The following RPTOR variants were observed in gnomAD, a reference collection of about 807,000 sequenced individuals.
RPTOR encodes regulatory associated protein of MTOR complex 1.
In RPTOR, 21 loss-of-function variants were observed where a neutral mutation model predicts 169.9. The observed-to-expected ratio is 0.12, with a 90% CI of 0.09 to 0.18. The LOEUF is 0.18. RPTOR is among the 10% of genes least tolerant of loss of function. RPTOR has a pLI of 1.00. For synonymous variants in RPTOR, 732 were observed against 753.2 expected (o/e 0.97, Z 0.46); for missense variants, 1,133 against 1,855.9 (o/e 0.61, Z 7.16).
chr17:80,751,619 A>G (rs1436050859), intron 5 of RPTOR, among the ~76,000 whole-genome samples: 1 of 152,128 alleles, frequency 6.6e-6, no homozygotes, highest in Non-Finnish European at 1.5e-5. Context: ...CTCTGGACAC[A>G]TCTCACCCCC....
chr17:80,966,135 T>G lies in RPTOR; in HGVS notation c.*1805T>G. On this transcript the variant is annotated 3_prime_UTR_variant, in exon 34 of 34. Coordinates refer to ENST00000306801, the MANE Select transcript of RPTOR (RefSeq NM_020761.3). ...GGTCAAGACCCCCCCCCGCCCCCGC[T>G]CCACCCTGGAGCCCACCCCCATGGG... is the stretch of plus-strand genomic sequence containing the variant. The G allele has an allele frequency of 9.2e-6, 1 of 109,150 alleles. No individual in the cohort carries two copies. Among genetic ancestry groups the G allele is most frequent in the Non-Finnish European group, 1.7e-5 (1 of 57,896 alleles). The allele number at this position is 109,150 out of a possible 1,614,324, so 6.8% of individuals were successfully genotyped here. A position where few individuals can be genotyped will look rare whatever the true frequency, so the allele number is the denominator to read the frequency against.
chr17:80,733,562 T>C (rs2143216826), intron 5 of RPTOR, among the ~76,000 whole-genome samples: 1 of 152,340 alleles, frequency 6.6e-6, no homozygotes, highest in East Asian at 1.9e-4. Flanking sequence ...CCACTGCTTC[T>C]TGATTTGTCG....
chr17:80,925,265 T>C, intron 23 of RPTOR, 105 bp from the exon 24 acceptor site: 1 of 911,182 alleles, frequency 1.1e-6, no homozygotes, highest in Admixed American at 2.2e-5. Context: ...AGCCCGGTGC[T>C]CCCGGCAGCG....
At chr17:80,919,513 A>G (rs927590478) in intron 21 of RPTOR, among the ~76,000 whole-genome samples, 2 of 152,164 alleles carry the variant, frequency 1.3e-5, no homozygotes, top group African/African-American at 4.8e-5. Context: ...GGGAAAATTC[A>G]CTGTCCAAGT....
chr17:80,753,589 C>T (rs1251176548), intron 5 of RPTOR, among the ~76,000 whole-genome samples: 2 of 145,740 alleles, frequency 1.4e-5, no homozygotes, highest in East Asian at 2.0e-4. Context: ...GTCGAGATCG[C>T]GCCACTGCAC....
At chr17:80,934,863 A>G (rs1356718705) in intron 24 of RPTOR, among the ~76,000 whole-genome samples, 2 of 152,196 alleles carry the variant, frequency 1.3e-5, no homozygotes, top group African/African-American at 4.8e-5. Context: ...AAGAATAAAA[A>G]ACACAGATTC....
At chr17:80,583,181 T>TG (rs2065029899) in intron 1 of RPTOR, among the ~76,000 whole-genome samples, 2 of 115,936 alleles carry the variant, frequency 1.7e-5, no homozygotes, top group South Asian at 2.5e-4. Flanking sequence ...GCCTCTTTCC[T>TG]GTTTTTTTTT....
intron 6 of RPTOR, among the ~76,000 whole-genome samples, chr17:80,760,396 G>A (rs1288701838): frequency 1.4e-5 from 2 of 141,468 alleles, no homozygotes; most frequent in South Asian, 2.2e-4. Context: ...CCACCTCCTC[G>A]GTTCAAGCGA....
rs977258093 is a variant in RPTOR at position 80,960,351 on chromosome 17, A to G, written c.3605+146A>G. On this transcript the variant is annotated intron_variant, in intron 30 of 33. Transcript: ENST00000306801. This position sits in a 1 kb window ranked among gnomAD's most constrained non-coding sequence, Gnocchi z 4.8. ...GAGCCTGCAGTGGCGTATTTAGGCC[A>G]GTCCTGGGCTCCCCAAAGCCGCCAG... The G allele has an allele frequency of 6.1e-6, 7 of 1,139,436 alleles. No homozygotes were observed. Among genetic ancestry groups the G allele is most frequent in the Non-Finnish European group, 8.6e-6 (7 of 810,232 alleles). The allele number at this position is 1,139,436 out of a possible 1,614,324, so 70.6% of individuals were successfully genotyped here.
chr17:80,823,425 T>G lies in RPTOR; in HGVS notation c.1136+202T>G. 1.6e-6 allele frequency: 1 copy of G among 623,702 alleles called. No individual in the cohort carries two copies. The highest frequency in any genetic ancestry group is 2.4e-5 in the South Asian group (1 of 41,584). The allele number at this position is 623,702 out of a possible 1,614,324, so 38.6% of individuals were successfully genotyped here. On this transcript the variant is annotated intron_variant, in intron 9 of 33. Coordinates refer to ENST00000306801, the MANE Select transcript of RPTOR (RefSeq NM_020761.3). The surrounding 1 kb of genome is among the most constrained non-coding windows in gnomAD (Gnocchi z 4.5). ...GGGTCTCCTTCAGAGGGCAGAAGCC[T>G]TGGAGGGCCTTTTAGGACTGCACGG...
rs73355805 is a variant in RPTOR, at chr17:80,901,175, G to A, written c.2401+7310G>A. Among the ~76,000 whole-genome samples the A allele has an allele frequency of 4.8e-3, 732 of 152,230 alleles. 9 individuals are homozygous for A. The highest frequency in any genetic ancestry group is 0.017 in the African/African-American group (698 of 41,524). ...ATGAGTGAATGCCGTTGTTATCCTC[G>A]GTACTGGTCTCGGTGGAGTACAGGG... On this transcript the variant is annotated intron_variant, in intron 20 of 33. Coordinates refer to ENST00000306801, the MANE Select transcript of RPTOR (RefSeq NM_020761.3).
chr17:80,562,152 C>T lies in RPTOR; in HGVS notation c.162+16361C>T, dbSNP rs543431174. 1.4e-4 allele frequency among the ~76,000 whole-genome samples: 21 copies of T among 152,144 alleles called. No homozygotes were observed. The highest frequency in any genetic ancestry group is 5.2e-4 in the Admixed American group (8 of 15,274). On this transcript the variant is annotated intron_variant, in intron 1 of 33. Transcript: ENST00000306801. This position sits in a 1 kb window ranked among gnomAD's most constrained non-coding sequence, Gnocchi z 4.4. ...CCAAGAGCCCCTGGAAGCAGAATTG[C>T]GACCCTTGGTGACTGCTTGGGTGCA...
At chr17:80,696,446 C>T (rs1453964451) in intron 3 of RPTOR, among the ~76,000 whole-genome samples, 3 of 152,190 alleles carry the variant, frequency 2.0e-5, no homozygotes, top group African/African-American at 4.8e-5. Flanking sequence ...GCTCGGCTTT[C>T]GTTAGTTCAA....
chr17:80,551,857 T>A (rs2084349616), intron 1 of RPTOR, among the ~76,000 whole-genome samples: 2 of 151,826 alleles, frequency 1.3e-5, no homozygotes, highest in South Asian at 2.1e-4. Flanking sequence ...CTGGCTTTCC[T>A]AGGCAGAGGT....
chr17:80,924,396 C>T (rs929273659), intron 23 of RPTOR, among the ~76,000 whole-genome samples: 2 of 152,132 alleles, frequency 1.3e-5, no homozygotes, highest in South Asian at 2.1e-4. Flanking sequence ...GTCCGGGGCT[C>T]GCTTGGTAAT....
At chr17:80,724,680 T>A (rs1598258157) in intron 4 of RPTOR, among the ~76,000 whole-genome samples, 1 of 152,314 alleles carries the variant, frequency 6.6e-6, no homozygotes, top group African/African-American at 2.4e-5. Flanking sequence ...TGTGGTGGGT[T>A]GGAGTTGGGG....
chr17:80,776,441 A>C (rs1181768979), intron 6 of RPTOR, among the ~76,000 whole-genome samples: 1 of 149,166 alleles, frequency 6.7e-6, no homozygotes, highest in Non-Finnish European at 1.5e-5. Context: ...CTCCTGCCTC[A>C]GACTCCCAAG....
chr17:80,893,807 C>G lies in RPTOR; in HGVS notation c.2343C>G (p.Phe781Leu). Residue 781 changes from phenylalanine (F) to leucine (L), a missense_variant, in exon 20 of 34, where the codon TTC (phenylalanine) becomes TTG (leucine). Physicochemically the swap from Phe to Leu is conservative, Grantham distance 22 (BLOSUM62 0). Transcript: ENST00000306801. ...SPENEEHILS[F>L]ETIDKMRRAS... is the part of the protein sequence containing the mutation. ...AGAATGAGGAGCATATCCTGTCCTT[C>G]GAGACCATCGACAAGATGCGCCGCG... The G allele has an allele frequency of 1.9e-6, 3 of 1,556,998 alleles. No individual in the cohort carries two copies. Among genetic ancestry groups the G allele is most frequent in the Non-Finnish European group, 2.6e-6 (3 of 1,148,422 alleles).
chr17:80,872,956 G>A (rs148548237), intron 13 of RPTOR, among the ~76,000 whole-genome samples: 2 of 152,222 alleles, frequency 1.3e-5, no homozygotes, highest in African/African-American at 2.4e-5. Flanking sequence ...GGGATGGGGA[G>A]CCTGGTCAGC....
Sources: allele counts gnomAD v4.1 joint callset (sites outside exome capture counted in the v4.1 genomes callset), GRCh38; gene constraint gnomAD v4.1.1; non-coding constraint Gnocchi (gnomAD v3.1); transcripts MANE v1.5; gene names NCBI Gene and HGNC (gene_info 2026-07-23, HGNC 2026-07-21).